The following ICA1 variants were observed in gnomAD, a reference collection of about 807,000 sequenced individuals.
ICA1 encodes the protein 69 kDa islet cell autoantigen.
Under a neutral mutation model 71.0 loss-of-function variants are expected in ICA1, and 40 were observed. The observed-to-expected ratio is 0.56, with a 90% CI of 0.44 to 0.73. The LOEUF is 0.73. Ranked by LOEUF, ICA1 falls within the 30% of genes least tolerant of loss-of-function variation. The pLI, the probability that ICA1 is intolerant of heterozygous loss-of-function variation, is 0.00. For missense variants in ICA1, 578 were observed against 576.5 expected (o/e 1.00, Z -0.03); for synonymous variants, 207 against 209.5 (o/e 0.99, Z 0.10).
intron 6 of ICA1, among the ~76,000 whole-genome samples, chr7:8,168,031 G>GGGAGAGAGAGA (rs1491563837): frequency 7.4e-5 from 5 of 67,592 alleles, no homozygotes; most frequent in African/African-American, 3.7e-4. Flanking sequence ...AGAAAAAGAG[G>GGGAGAGAGAGA]GAGAGAGAGA....
chr7:8,122,709 G>A (rs1017810406), intron 13 of ICA1, among the ~76,000 whole-genome samples: 9 of 152,228 alleles, frequency 5.9e-5, no homozygotes, highest in East Asian at 3.8e-4. Context: ...GAGATAACCC[G>A]AAGCCTGACA....
Position 8,223,145 on chromosome 7 carries a change from CCACT to C in ICA1, c.257-1751_257-1748del, listed in dbSNP as rs1198928100. On this transcript the variant is annotated intron_variant, in intron 4 of 13. Coordinates refer to ENST00000402384, the MANE Select transcript of ICA1 (RefSeq NM_001136020.3). The surrounding 1 kb of genome is among the most constrained non-coding windows in gnomAD (Gnocchi z 4.1). ...TAATACATTCCATTCCTTCTCCTCC[CCACT>C]GATTAATATGTGCCTCACTCAATTC... 6.6e-6 allele frequency among the ~76,000 whole-genome samples: 1 copy of C among 152,238 alleles called. No individual in the cohort carries two copies. Among genetic ancestry groups the C allele is most frequent in the Admixed American group, 6.5e-5 (1 of 15,292 alleles).
chr7:8,205,916 G>A (rs1004581749), intron 6 of ICA1, among the ~76,000 whole-genome samples: 1 of 152,202 alleles, frequency 6.6e-6, no homozygotes, highest in African/African-American at 2.4e-5. Flanking sequence ...GGCCTGTAGG[G>A]TGCTGCAATC....
chr7:8,232,636 T>C lies in ICA1; in HGVS notation c.137A>G (p.Asp46Gly). 1.2e-6 allele frequency: 2 copies of C among 1,613,560 alleles called. No homozygotes were observed. Among genetic ancestry groups the C allele is most frequent in the Admixed American group, 1.7e-5 (1 of 59,948 alleles). Residue 46 changes from aspartate (D) to glycine (G), a missense_variant, in exon 3 of 14, where the codon GAT becomes GGT. Physicochemically the swap from Asp to Gly is moderately conservative, Grantham distance 94 (BLOSUM62 -1). Coordinates refer to ENST00000402384, the MANE Select transcript of ICA1 (RefSeq NM_001136020.3). The stretch of plus-strand genomic sequence containing the variant: ...CGCGTCAGAGGCAACAACATGTTCA[T>C]CTTCCTTCTTCCCTGTGGCTTTAAT... Reference protein sequence around the residue: ...AFIKATGKKEDEHVVASDADL... With the variant: ...AFIKATGKKEGEHVVASDADL...
Position 8,235,947 on chromosome 7 carries a change from T to C in ICA1, c.-21A>G. ...GACATGTTTTCTTCTTCTTCTATTGTTGATGATTTGGGGAGAAGGGGCAGG... is the reference window on the plus strand; with the variant it reads ...GACATGTTTTCTTCTTCTTCTATTGCTGATGATTTGGGGAGAAGGGGCAGG... On this transcript the variant is annotated 5_prime_UTR_variant, in exon 2 of 14. Coordinates refer to ENST00000402384, the MANE Select transcript of ICA1 (RefSeq NM_001136020.3). 2 of 1,612,342 alleles carry C rather than the reference T, an allele frequency of 1.2e-6. No individual in the cohort carries two copies.
chr7:8,114,049 G>A lies in ICA1; in HGVS notation c.1331-5C>T, dbSNP rs767992021. 1.9e-6 allele frequency: 3 copies of A among 1,614,120 alleles called. No homozygotes were observed. In the East Asian group the frequency reaches 6.7e-5, roughly 36 times the overall value. On this transcript the variant is annotated splice_region_variant and splice_polypyrimidine_tract_variant and intron_variant, in intron 13 of 13. Transcript: ENST00000402384. Reference sequence around the variant, plus strand: ...CTGAGGCAGCCTTAGCAGGTTCTGGGGAGAGAAGAGGAAACATGAGCAAAC... The same window carrying A: ...CTGAGGCAGCCTTAGCAGGTTCTGGAGAGAGAAGAGGAAACATGAGCAAAC...
At chr7:8,136,144 G>A (rs542487974) in intron 12 of ICA1, among the ~76,000 whole-genome samples, 52 of 152,286 alleles carry the variant, frequency 3.4e-4, no homozygotes, top group African/African-American at 1.2e-3. Flanking sequence ...TTACGACACT[G>A]AATGGGGGTG....
At position 8,145,764 on chromosome 7, in the gene ICA1, A is replaced by ATATATATATATATATATATATATATATG. The variant is rs55971486; in HGVS notation, c.805-1793_805-1792insCATATATATATATATATATATATATATA. Among the ~76,000 whole-genome samples, 186 of 136,230 alleles carry ATATATATATATATATATATATATATATG rather than the reference A, an allele frequency of 1.4e-3. 5 individuals are homozygous for ATATATATATATATATATATATATATATG. The highest frequency in any genetic ancestry group is 8.8e-3 in the East Asian group (44 of 4,972). The allele number at this position is 136,230 out of a possible 152,430, so 89.4% of individuals were successfully genotyped here. On this transcript the variant is annotated intron_variant, in intron 8 of 13. Transcript: ENST00000402384. ...AATCATTGTGTATATATATATATAT[A>ATATATATATATATATATATATATATATG]TATGTATATAAAATATATAGAGAGA...
intron 2 of ICA1, 102 bp downstream of exon 2, chr7:8,235,808 A>G: frequency 1.7e-6 from 2 of 1,205,738 alleles, no homozygotes; most frequent in South Asian, 2.5e-5. Flanking sequence ...CATGATACTT[A>G]CTGCCAATGT....
At chr7:8,229,122 C>A (rs564327482) in intron 3 of ICA1, among the ~76,000 whole-genome samples, 4 of 152,026 alleles carry the variant, frequency 2.6e-5, no homozygotes, top group African/African-American at 7.2e-5. Context: ...ATTTTGTGAT[C>A]CTAATGTATT....
intron 3 of ICA1, among the ~76,000 whole-genome samples, chr7:8,232,285 T>G (rs989471237): frequency 6.6e-6 from 1 of 152,220 alleles, no homozygotes; most frequent in Non-Finnish European, 1.5e-5. Context: ...TAAATCTGAC[T>G]CCTCAGCTCT....
intron 6 of ICA1, among the ~76,000 whole-genome samples, chr7:8,165,513 G>T (rs759325580): frequency 6.6e-6 from 1 of 152,138 alleles, no homozygotes; most frequent in Non-Finnish European, 1.5e-5. Flanking sequence ...AATATTGGAA[G>T]TCCTAGCTTT....
Position 8,128,080 on chromosome 7 carries a change from G to T in ICA1, c.1123C>A (p.Leu375Met), listed in dbSNP as rs759983789. 6.2e-7 allele frequency: 1 copy of T among 1,614,070 alleles called. No individual in the cohort carries two copies. The highest frequency in any genetic ancestry group is 8.5e-7 in the Non-Finnish European group (1 of 1,180,046). ...PEGADKDDLLLLSEIFNASSL... is the reference protein window; with the variant it reads ...PEGADKDDLLMLSEIFNASSL... ...GAAGCATTGAAGATCTCACTCAACA[G>T]CAGCAGGTCATCTTTGTCAGCACCT... Residue 375 changes from leucine (L) to methionine (M), a missense_variant, in exon 13 of 14, where the codon CTG (leucine) becomes ATG (methionine). Coordinates refer to ENST00000402384, the MANE Select transcript of ICA1 (RefSeq NM_001136020.3).
Position 8,232,629 on chromosome 7 carries a change from A to G in ICA1, c.144T>C (p.His48=), listed in dbSNP as rs111929656. The G allele has an allele frequency of 1.3e-3, 2,160 of 1,613,242 alleles. 40 individuals carry two copies. In the African/African-American group the frequency reaches 0.026, roughly 19 times the overall value. The change falls in exon 3 of 14, where the codon CAT becomes CAC. Residue 48 remains histidine (H), a synonymous_variant. Transcript: ENST00000402384. Reference sequence around the variant, plus strand: ...CCAGGTCCGCGTCAGAGGCAACAACATGTTCATCTTCCTTCTTCCCTGTGG... The same window carrying G: ...CCAGGTCCGCGTCAGAGGCAACAACGTGTTCATCTTCCTTCTTCCCTGTGG... The part of the protein sequence containing the change: ...IKATGKKEDE[H]VVASDADLDA...
intron 6 of ICA1, among the ~76,000 whole-genome samples, chr7:8,201,976 G>A (rs2128335127): frequency 6.6e-6 from 1 of 152,266 alleles, no homozygotes; most frequent in Admixed American, 6.5e-5. Context: ...ACAGGGAGTG[G>A]CCTCAAGGAC....
rs985439074 is a variant in ICA1 at position 8,141,835 on chromosome 7, G to A, written c.903-18C>T. 1 of 1,526,078 alleles carries A rather than the reference G, an allele frequency of 6.6e-7. No homozygotes were observed. The highest frequency in any genetic ancestry group is 1.8e-5 in the Admixed American group (1 of 56,862). 94.5% of individuals were successfully genotyped at this position (1,526,078 alleles called of 1,614,324 possible). On this transcript the variant is annotated intron_variant, in intron 9 of 13. Transcript: ENST00000402384. ...AAATTAATCTTAAAATAAAAAAGAG[G>A]TTTAGTCATCAACTTCTACCAATGT...
At chr7:8,118,228 T>C (rs1265224069) in intron 13 of ICA1, among the ~76,000 whole-genome samples, 1 of 152,224 alleles carries the variant, frequency 6.6e-6, no homozygotes, top group Non-Finnish European at 1.5e-5. Flanking sequence ...ACTAACTTAA[T>C]GAAACAGGTG....
In ICA1 at chr7:8,193,194, C is replaced by A. The variant is rs567224969; in HGVS notation, c.579+25111G>T. On this transcript the variant is annotated intron_variant, in intron 6 of 13. Transcript: ENST00000402384. The stretch of plus-strand genomic sequence containing the variant: ...AGTACTCTCAGACACAACACACATA[C>A]ACATATATGTATTATAATCCATGCA... 5.5e-4 allele frequency among the ~76,000 whole-genome samples: 84 copies of A among 152,288 alleles called. 1 individual carries two copies. The highest frequency in any genetic ancestry group is 3.3e-3 in the South Asian group (16 of 4,830).
At chr7:8,134,722 C>T (rs1792749042) in intron 12 of ICA1, among the ~76,000 whole-genome samples, 1 of 152,068 alleles carries the variant, frequency 6.6e-6, no homozygotes, top group African/African-American at 2.4e-5. Flanking sequence ...TTATAACAAA[C>T]TGTACTTGTT....
Sources: gnomAD v4.1 joint callset for allele counts (sites outside exome capture counted in the v4.1 genomes callset) on GRCh38, gnomAD v4.1.1 for gene constraint, Gnocchi (gnomAD v3.1) non-coding constraint, MANE v1.5 for transcripts, NCBI Gene and HGNC (gene_info 2026-07-23, HGNC 2026-07-21) for gene names.